The following TNS1 variants were observed in gnomAD, a reference collection of about 807,000 sequenced individuals.
TNS1 encodes tensin-1.
Under a neutral mutation model 168.6 loss-of-function variants are expected in TNS1, and 62 were observed. The ratio of observed to expected loss-of-function variants is 0.37; its 90% CI spans 0.30 to 0.45. The LOEUF (loss-of-function observed/expected upper bound fraction) is 0.45. Among genes scored for constraint, TNS1 ranks in the 20% least tolerant of loss-of-function variants. The pLI is 1.00. For synonymous variants in TNS1, 934 were observed against 933.2 expected, an observed-to-expected ratio of 1.00 and a Z score of -0.02; for missense variants, 2,240 against 2,339.4, an observed-to-expected ratio of 0.96 and a Z score of 0.88.
intron 3 of TNS1, among the ~76,000 whole-genome samples, chr2:217,961,124 C>A (rs1267665766): frequency 1.3e-5 from 2 of 152,020 alleles, no homozygotes; most frequent in African/African-American, 4.8e-5. Context: ...CCCCAGCAGC[C>A]TATAGAACTT....
At position 217,917,829 on chromosome 2, in the gene TNS1, C is replaced by CAAAAAAAAAAAAAA. The variant is rs79888115; in HGVS notation, c.228+2352_228+2365dup. Among the ~76,000 whole-genome samples the CAAAAAAAAAAAAAA allele has an allele frequency of 2.4e-3, 183 of 75,952 alleles. 8 individuals carry two copies. Among genetic ancestry groups the CAAAAAAAAAAAAAA allele is most frequent in the African/African-American group, 5.8e-3 (129 of 22,250 alleles). The allele number at this position is 75,952 out of a possible 152,430, so 49.8% of individuals were successfully genotyped here. A position where few individuals can be genotyped will look rare whatever the true frequency, so the allele number is the denominator to read the frequency against. ...CTGGGCAACACAGTGAGACTGTTCT[C>CAAAAAAAAAAAAAA]AAAAAAAAAAAAAAAAAAAGACTTG... On this transcript the variant is annotated intron_variant, in intron 4 of 32. Coordinates refer to ENST00000682258, the MANE Select transcript of TNS1 (RefSeq NM_001387777.1).
At chr2:217,974,714 A>G (rs1424560712) in intron 3 of TNS1, among the ~76,000 whole-genome samples, 1 of 152,200 alleles carries the variant, frequency 6.6e-6, no homozygotes, top group Non-Finnish European at 1.5e-5. Flanking sequence ...CTATATGCCA[A>G]TGTGCATTTA....
chr2:217,943,116 T>C, intron 3 of TNS1, among the ~76,000 whole-genome samples: 1 of 152,092 alleles, frequency 6.6e-6, no homozygotes, highest in Non-Finnish European at 1.5e-5. Flanking sequence ...CAGCTGCCCC[T>C]GTCTGTTCAT....
At chr2:217,893,162 G>C (rs1951907669) in intron 10 of TNS1, 150 bp from the exon 11 acceptor site, 2 of 1,074,272 alleles carry the variant, frequency 1.9e-6, no homozygotes, top group Non-Finnish European at 2.6e-6. Context: ...GGCCTCAGGG[G>C]AGGGAGGCAG....
intron 18 of TNS1, chr2:217,879,455 C>G: frequency 2.2e-6 from 1 of 454,434 alleles, no homozygotes; most frequent in Non-Finnish European, 4.4e-6. Flanking sequence ...TCACAAGCAG[C>G]CTGGGGGGTC....
At chr2:217,959,715 C>T (rs1957450395) in intron 3 of TNS1, among the ~76,000 whole-genome samples, 1 of 152,186 alleles carries the variant, frequency 6.6e-6, no homozygotes, top group African/African-American at 2.4e-5. Flanking sequence ...AATGTCCACA[C>T]TCAAGCCCTT....
At chr2:217,812,739 C>T (rs544220945) in intron 27 of TNS1, among the ~76,000 whole-genome samples, 2 of 152,304 alleles carry the variant, frequency 1.3e-5, no homozygotes, top group East Asian at 3.9e-4. Flanking sequence ...GAGAACAGGG[C>T]AGAAGGATCA....
intron 3 of TNS1, among the ~76,000 whole-genome samples, chr2:217,925,963 AG>A (rs1230564249): frequency 6.6e-6 from 1 of 152,210 alleles, no homozygotes; most frequent in African/African-American, 2.4e-5. Context: ...CATATATTAA[AG>A]TCCTAACCCT....
chr2:217,989,797 C>G (rs926565667), intron 2 of TNS1, among the ~76,000 whole-genome samples: 1 of 152,042 alleles, frequency 6.6e-6, no homozygotes, highest in Admixed American at 6.5e-5. Context: ...GCCACCCACA[C>G]GACTCCCACA....
At chr2:217,900,710 C>T in intron 6 of TNS1, 198 bp from the exon 7 acceptor site, 1 of 617,694 alleles carries the variant, frequency 1.6e-6, no homozygotes, top group Non-Finnish European at 2.8e-6. Flanking sequence ...GTGAGTGTGC[C>T]TGCCTGTGTG....
chr2:217,898,063 C>A (rs1952513773), intron 7 of TNS1, 94 bp from the exon 8 acceptor site: 3 of 1,370,488 alleles, frequency 2.2e-6, no homozygotes, highest in Admixed American at 2.9e-5. Context: ...CCTGTGTGAC[C>A]CCCATATGCA....
chr2:217,952,535 T>A (rs997737827), intron 3 of TNS1, among the ~76,000 whole-genome samples: 20 of 152,142 alleles, frequency 1.3e-4, no homozygotes, highest in African/African-American at 4.8e-4. Flanking sequence ...AGGCCCAGCC[T>A]GGTGAGGACA....
intron 18 of TNS1, among the ~76,000 whole-genome samples, chr2:217,866,893 T>C (rs1300517646): frequency 6.6e-6 from 1 of 152,146 alleles, no homozygotes; most frequent in Non-Finnish European, 1.5e-5. Flanking sequence ...TCCTATTCCC[T>C]AGGTTCTCAA....
rs1941386594 is a variant in TNS1 at position 217,813,716 on chromosome 2, T to A, written c.4830A>T (p.Pro1610=). Residue 1610 remains proline (P), a synonymous_variant, in exon 26 of 33, where the codon CCA becomes CCT. Transcript: ENST00000682258. This position sits in a 1 kb window ranked among gnomAD's most constrained non-coding sequence, Gnocchi z 4.0. The part of the protein sequence containing the change: ...AYGLAMKVSS[P]PPTIMQQNKK... ...TATTCTGCTGCATGATGGTTGGAGG[T>A]GGCGAAGACACCTTCATGGCCAGCC... is the stretch of plus-strand genomic sequence containing the variant. 1 of 1,613,060 alleles carries A rather than the reference T, an allele frequency of 6.2e-7. No homozygotes were observed.
chr2:217,841,073 G>A, intron 19 of TNS1: 1 of 273,670 alleles, frequency 3.7e-6, no homozygotes. Flanking sequence ...AAAAGACAGA[G>A]GAGAGAAGGA....
chr2:217,947,549 C>T (rs1292209911), intron 3 of TNS1, among the ~76,000 whole-genome samples: 1 of 152,016 alleles, frequency 6.6e-6, no homozygotes, highest in Non-Finnish European at 1.5e-5. Context: ...CGGGACAGAG[C>T]CTGGAGCAAC....
chr2:217,961,260 CAGAG>C (rs139190494), intron 3 of TNS1, among the ~76,000 whole-genome samples: 5 of 140,014 alleles, frequency 3.6e-5, no homozygotes, highest in South Asian at 2.3e-4. Flanking sequence ...CACACACACA[CAGAG>C]AGAGAGAGAG....
At chr2:217,906,795 C>A (rs1419570930) in intron 5 of TNS1, among the ~76,000 whole-genome samples, 1 of 152,188 alleles carries the variant, frequency 6.6e-6, no homozygotes, top group Non-Finnish European at 1.5e-5. Context: ...ATGGCAGAAC[C>A]CACCTACTTT....
At chr2:217,975,378 C>T (rs1200846641) in intron 3 of TNS1, among the ~76,000 whole-genome samples, 1 of 152,124 alleles carries the variant, frequency 6.6e-6, no homozygotes, top group African/African-American at 2.4e-5. Flanking sequence ...TTTTAAGCTA[C>T]TAAATCTGGG....
Sources: allele counts gnomAD v4.1 joint callset (sites outside exome capture counted in the v4.1 genomes callset), GRCh38; gene constraint gnomAD v4.1.1; non-coding constraint Gnocchi (gnomAD v3.1); transcripts MANE v1.5; gene names NCBI Gene and HGNC (gene_info 2026-07-23, HGNC 2026-07-21).